LRMDA: variants seen among roughly 807,000 people sequenced by gnomAD.
The protein encoded by LRMDA is leucine-rich melanocyte differentiation-associated protein.
A neutral mutation model predicts 29.8 loss-of-function variants in LRMDA; 18 were observed. That is an observed-to-expected ratio of 0.60 (90% CI 0.42 to 0.90). LRMDA has a LOEUF of 0.90. Among genes scored for constraint, LRMDA ranks in the 40% least tolerant of loss-of-function variants. LRMDA has a pLI of 0.00. For synonymous variants in LRMDA, 125 were observed against 109.4 expected (o/e 1.14, Z -0.89); for missense variants, 273 against 273.9 (o/e 1.00, Z 0.02).
At chr10:76,531,827 T>A (rs994264598) in intron 6 of LRMDA, among the ~76,000 whole-genome samples, 4 of 152,142 alleles carry the variant, frequency 2.6e-5, no homozygotes, top group African/African-American at 9.7e-5. Context: ...CCCCTTCAAT[T>A]TTCTGGAAAA....
chr10:76,004,539 G>C (rs1413557361), intron 2 of LRMDA, among the ~76,000 whole-genome samples: 1 of 152,172 alleles, frequency 6.6e-6, no homozygotes, highest in Non-Finnish European at 1.5e-5. Context: ...AAGAGCGGCA[G>C]ACAGTGTCAG....
At chr10:75,524,651 G>A (rs1845395191) in intron 2 of LRMDA, among the ~76,000 whole-genome samples, 1 of 152,134 alleles carries the variant, frequency 6.6e-6, no homozygotes, top group Non-Finnish European at 1.5e-5. Context: ...TCACAACTTG[G>A]CCTATGTAGT....
intron 6 of LRMDA, among the ~76,000 whole-genome samples, chr10:76,397,796 G>A (rs1221322213): frequency 2.6e-5 from 4 of 152,084 alleles, no homozygotes; most frequent in Admixed American, 6.5e-5. Flanking sequence ...TAGTTCACAA[G>A]GGGCATAGGG....
At chr10:76,289,298 G>A (rs1362107350) in intron 5 of LRMDA, among the ~76,000 whole-genome samples, 3 of 152,140 alleles carry the variant, frequency 2.0e-5, no homozygotes, top group African/African-American at 7.2e-5. Context: ...TGTACAGACA[G>A]AAAAATAGAC....
intron 2 of LRMDA, among the ~76,000 whole-genome samples, chr10:75,767,866 G>T (rs543129932): frequency 6.6e-6 from 1 of 152,322 alleles, no homozygotes; most frequent in African/African-American, 2.4e-5. Flanking sequence ...TAATCACATA[G>T]ATCCTTCTGA....
At chr10:75,855,438 G>A (rs1214178677) in intron 2 of LRMDA, among the ~76,000 whole-genome samples, 1 of 152,084 alleles carries the variant, frequency 6.6e-6, no homozygotes, top group African/African-American at 2.4e-5. Context: ...AAATTTGTTG[G>A]AGTTCATTGT....
At chr10:75,981,252 T>G (rs1847164703) in intron 2 of LRMDA, among the ~76,000 whole-genome samples, 1 of 152,216 alleles carries the variant, frequency 6.6e-6, no homozygotes, top group Non-Finnish European at 1.5e-5. Context: ...TCCATTTGTC[T>G]GACAATTGGA....
chr10:76,447,030 A>G (rs1161748163), intron 6 of LRMDA, among the ~76,000 whole-genome samples: 4 of 146,204 alleles, frequency 2.7e-5, no homozygotes, highest in Non-Finnish European at 4.5e-5. Context: ...TATGTTGGAG[A>G]CTCCATACTA....
chr10:76,269,791 T>G (rs1396768596), intron 5 of LRMDA, among the ~76,000 whole-genome samples: 3 of 152,218 alleles, frequency 2.0e-5, no homozygotes, highest in Non-Finnish European at 4.4e-5. Flanking sequence ...TGAGCCTTTT[T>G]GTAAACCTGC....
At chr10:75,495,797 C>T (rs561932772) in intron 2 of LRMDA, among the ~76,000 whole-genome samples, 11 of 152,340 alleles carry the variant, frequency 7.2e-5, no homozygotes, top group South Asian at 2.1e-4. Flanking sequence ...GGCAATGCCT[C>T]GGGGTGGCTG....
At chr10:75,753,448 C>G (rs1462654867) in intron 2 of LRMDA, among the ~76,000 whole-genome samples, 1 of 152,158 alleles carries the variant, frequency 6.6e-6, no homozygotes, top group Admixed American at 6.5e-5. Context: ...CACGAAAGTC[C>G]TCTTCAAAAA....
chr10:76,257,904 C>T (rs1852627724), intron 5 of LRMDA, among the ~76,000 whole-genome samples: 1 of 152,154 alleles, frequency 6.6e-6, no homozygotes, highest in African/African-American at 2.4e-5. Context: ...AATAGCTTTC[C>T]ATGTGATCTC....
intron 2 of LRMDA, among the ~76,000 whole-genome samples, chr10:75,468,924 C>T (rs1844691714): frequency 6.6e-6 from 1 of 152,108 alleles, no homozygotes; most frequent in South Asian, 2.1e-4. Flanking sequence ...CCTGGAAGTG[C>T]ACCAAACTAG....
chr10:75,799,560 G>C (rs1843711583), intron 2 of LRMDA, among the ~76,000 whole-genome samples: 1 of 151,482 alleles, frequency 6.6e-6, no homozygotes, highest in African/African-American at 2.4e-5. Flanking sequence ...TGTCACCCAG[G>C]CTGGAGTGCA....
chr10:76,010,852 A>AGAT (rs1331393332), intron 2 of LRMDA, among the ~76,000 whole-genome samples: 7 of 152,368 alleles, frequency 4.6e-5, no homozygotes, highest in Middle Eastern at 3.4e-3. Context: ...CCCTCTGCAG[A>AGAT]GATGCAAGCA....
At chr10:76,287,514 T>C (rs1840287454) in intron 5 of LRMDA, among the ~76,000 whole-genome samples, 1 of 152,082 alleles carries the variant, frequency 6.6e-6, no homozygotes, top group South Asian at 2.1e-4. Flanking sequence ...ATCCTGCAAT[T>C]CTTTGGTATC....
At chr10:75,975,731 A>G (rs539202568) in intron 2 of LRMDA, among the ~76,000 whole-genome samples, 26 of 152,336 alleles carry the variant, frequency 1.7e-4, no homozygotes, top group Non-Finnish European at 3.4e-4. Flanking sequence ...TTCTTTTAGA[A>G]TAGAAATCAT....
intron 2 of LRMDA, among the ~76,000 whole-genome samples, chr10:75,934,814 G>C (rs184747915): frequency 1.1e-3 from 174 of 152,344 alleles, no homozygotes; most frequent in South Asian, 2.5e-3. Flanking sequence ...GAAGAAATTG[G>C]GTTGCTCCCT....
At chr10:75,848,932 C>G (rs951893379) in intron 2 of LRMDA, among the ~76,000 whole-genome samples, 3 of 152,184 alleles carry the variant, frequency 2.0e-5, no homozygotes, top group Non-Finnish European at 4.4e-5. Flanking sequence ...AGTTCCCAAG[C>G]TCCTTGACCA....
Sources: allele counts gnomAD v4.1 joint callset (sites outside exome capture counted in the v4.1 genomes callset), GRCh38; gene constraint gnomAD v4.1.1; transcripts MANE v1.5; gene names NCBI Gene and HGNC (gene_info 2026-07-23, HGNC 2026-07-21).